Variants in ENOSF1 observed in about 807,000 individuals in gnomAD.
ENOSF1 encodes the protein enolase superfamily member 1.
In ENOSF1, 73 loss-of-function variants were observed where a neutral mutation model predicts 68.2. The ratio of observed to expected loss-of-function variants is 1.07; its 90% CI spans 0.89 to 1.30. The LOEUF (loss-of-function observed/expected upper bound fraction) is 1.30, where lower values mean the gene tolerates loss of function less well. ENOSF1 is among the 50% of genes most tolerant of loss of function. The pLI, the probability that ENOSF1 is intolerant of heterozygous loss-of-function variation, is 0.00. For synonymous variants in ENOSF1, 223 were observed against 210.4 expected (o/e 1.06, Z -0.52); for missense variants, 589 against 554.5 (o/e 1.06, Z -0.62).
downstream of ENOSF1, chr18:669,365 G>GGT: frequency 5.9e-6 from 2 of 340,450 alleles, no homozygotes; most frequent in Non-Finnish European, 1.1e-5. Flanking sequence ...GGGCCCAGAG[G>GGT]ATTTTTTTTT....
chr18:694,648 A>G (rs1044219950), intron 3 of ENOSF1, among the ~76,000 whole-genome samples: 1 of 151,778 alleles, frequency 6.6e-6, no homozygotes. Context: ...AAAAAGAGAG[A>G]GAGAGAAAGA....
chr18:668,086 C>T (rs1295362332), downstream of ENOSF1, among the ~76,000 whole-genome samples: 4 of 144,104 alleles, frequency 2.8e-5, no homozygotes, highest in Non-Finnish European at 6.0e-5. Flanking sequence ...ATCCTGTATA[C>T]ATTCACATTG....
intron 2 of ENOSF1, 40 bp from the exon 3 acceptor site, chr18:697,395 C>T (rs186309689): frequency 7.1e-7 from 1 of 1,414,516 alleles, no homozygotes; most frequent in Admixed American, 1.9e-5. Flanking sequence ...TGCTTCTATA[C>T]TAGGTCAAGA....
intron 2 of ENOSF1, among the ~76,000 whole-genome samples, chr18:705,697 A>G (rs2078852398): frequency 6.6e-6 from 1 of 152,008 alleles, no homozygotes; most frequent in African/African-American, 2.4e-5. Context: ...AGTGAACTGG[A>G]AACCGATTTG....
intron 11 of ENOSF1, chr18:682,924 A>AC (rs576713494): frequency 3.5e-4 from 72 of 204,320 alleles, no homozygotes; most frequent in Non-Finnish European, 5.7e-4. Flanking sequence ...CCAAAAAACA[A>AC]AAAAAAAAAA....
chr18:696,229 T>C, intron 3 of ENOSF1, among the ~76,000 whole-genome samples: 1 of 146,356 alleles, frequency 6.8e-6, no homozygotes, highest in South Asian at 2.2e-4. Flanking sequence ...TTTTTTGTTT[T>C]GAGACAGAGT....
chr18:710,674 TA>T (rs2079420298), intron 1 of ENOSF1, among the ~76,000 whole-genome samples: 1 of 152,206 alleles, frequency 6.6e-6, no homozygotes. Context: ...GCCTGGCCTA[TA>T]GCCAACTTTA....
At position 712,554 on chromosome 18, in the gene ENOSF1, G is replaced by T. The variant is rs137857534; in HGVS notation, c.34C>A (p.Arg12=). The change falls in exon 1 of 16, where the codon CGG becomes AGG. Residue 12 remains arginine (R), a synonymous_variant. Coordinates refer to ENST00000647584, the MANE Select transcript of ENOSF1 (RefSeq NM_017512.7). Reference sequence around the variant, plus strand: ...AGCGACGTGGGGAAGCGCACGTCCCGGACCGAGAGCCGGGAGATCCTGCCG... The same window carrying T: ...AGCGACGTGGGGAAGCGCACGTCCCTGACCGAGAGCCGGGAGATCCTGCCG... The part of the protein sequence containing the change: ...VRGRISRLSV[R]DVRFPTSLGG... 8 of 1,537,184 alleles carry T rather than the reference G, an allele frequency of 5.2e-6. No individual in the cohort carries two copies. The highest frequency in any genetic ancestry group is 1.4e-5 in the African/African-American group (1 of 71,232).
intron 3 of ENOSF1, among the ~76,000 whole-genome samples, chr18:694,835 ATATG>A (rs2145150046): frequency 6.6e-6 from 1 of 152,256 alleles, no homozygotes; most frequent in East Asian, 1.9e-4. Flanking sequence ...TATGTTAAGT[ATATG>A]TATGTATATA....
chr18:696,201 TCTC>T (rs796181176), intron 3 of ENOSF1, among the ~76,000 whole-genome samples: 16 of 127,314 alleles, frequency 1.3e-4, no homozygotes, highest in South Asian at 7.6e-4. Context: ...TTTACATCTC[TCTC>T]TTTTTTTTTT....
rs145245848 is a variant in ENOSF1 at position 706,478 on chromosome 18, G to A, written c.185C>T (p.Thr62Ile). The change falls in exon 2 of 16, where the codon ACT (threonine) becomes ATT (isoleucine). Residue 62 changes from threonine to isoleucine, a missense_variant. Thr to Ile is a moderately conservative substitution (Grantham distance 89). Transcript: ENST00000647584. ...CGITFTLGKG[T>I]EVVVCAVNAL... ...GAGAATCTTCAACTCACCAACTTCA[G>A]TGCCTTTTCCCAGAGTGAAGGTAAT... is the stretch of plus-strand genomic sequence containing the variant. The A allele has an allele frequency of 1.4e-4, 229 of 1,611,484 alleles. No homozygotes were observed. In the East Asian group the frequency reaches 4.2e-3, roughly 30 times the overall value.
At chr18:666,055 A>G (rs567710557), downstream of ENOSF1, among the ~76,000 whole-genome samples, 74 of 98,160 alleles carry the variant, frequency 7.5e-4, 16 homozygotes, top group Non-Finnish European at 1.1e-3. Flanking sequence ...GCTGAGTTCA[A>G]TTCCTGGGTA....
At chr18:676,531 T>G (rs1270253649) in intron 14 of ENOSF1, among the ~76,000 whole-genome samples, 2 of 152,170 alleles carry the variant, frequency 1.3e-5, no homozygotes, top group African/African-American at 2.4e-5. Flanking sequence ...TGATTGTAAG[T>G]TTCCAGAAGC....
intron 5 of ENOSF1, chr18:692,718 G>A: frequency 1.0e-6 from 1 of 990,504 alleles, no homozygotes; most frequent in Non-Finnish European, 1.2e-6. Flanking sequence ...CTGGTGGCCT[G>A]CAAATCATTC....
intron 10 of ENOSF1, among the ~76,000 whole-genome samples, chr18:683,776 A>C (rs1317668523): frequency 6.6e-6 from 1 of 151,386 alleles, no homozygotes; most frequent in South Asian, 2.1e-4. Context: ...AATCATGCAC[A>C]ATCAACATTG....
chr18:671,417 T>G lies in ENOSF1; in HGVS notation c.*2888A>C. ...ATACACACTTTGGGAGATGCACATA[T>G]TTACCTGAATCACATCGAGCCACTG... On this transcript the variant is annotated 3_prime_UTR_variant, in exon 16 of 16. Coordinates refer to ENST00000647584, the MANE Select transcript of ENOSF1 (RefSeq NM_017512.7). The G allele has an allele frequency of 6.2e-7, 1 of 1,613,116 alleles. No individual in the cohort carries two copies. Among genetic ancestry groups the G allele is most frequent in the Non-Finnish European group, 8.5e-7 (1 of 1,179,512 alleles).
At chr18:667,191 A>T (rs201322154), downstream of ENOSF1, among the ~76,000 whole-genome samples, 175 of 39,844 alleles carry the variant, frequency 4.4e-3, no homozygotes, top group South Asian at 5.2e-3. Flanking sequence ...ATGGTGATGG[A>T]GATGGTGATG....
At chr18:683,123 T>G in intron 11 of ENOSF1, 123 bp downstream of exon 11, 1 of 1,176,512 alleles carries the variant, frequency 8.5e-7, no homozygotes, top group Non-Finnish European at 1.2e-6. Flanking sequence ...TTACAATTAT[T>G]TCAGCTACTT....
chr18:690,959 T>C (rs2077095458), intron 7 of ENOSF1, 109 bp downstream of exon 7: 1 of 1,319,980 alleles, frequency 7.6e-7, no homozygotes. Flanking sequence ...AGGGCCTAGC[T>C]GCTCAGCACA....
Sources: gnomAD v4.1 joint callset for allele counts (sites outside exome capture counted in the v4.1 genomes callset) on GRCh38, gnomAD v4.1.1 for gene constraint, MANE v1.5 for transcripts, NCBI Gene and HGNC (gene_info 2026-07-23, HGNC 2026-07-21) for gene names.